The following STXBP5 variants were observed in gnomAD, a reference collection of about 807,000 sequenced individuals.
STXBP5 encodes the protein syntaxin-binding protein 5.
In STXBP5, 50 loss-of-function variants were observed where a neutral mutation model predicts 152.4. The ratio of observed to expected loss-of-function variants is 0.33; its 90% CI spans 0.26 to 0.42. The LOEUF (loss-of-function observed/expected upper bound fraction) is 0.42. Ranked by LOEUF, STXBP5 falls within the 10% of genes least tolerant of loss-of-function variation. The pLI, the probability that STXBP5 is intolerant of heterozygous loss-of-function variation, is 1.00. For synonymous variants in STXBP5, 492 were observed against 494.7 expected, an observed-to-expected ratio of 0.99 and a Z score of 0.07; for missense variants, 1,167 against 1,388.6, an observed-to-expected ratio of 0.84 and a Z score of 2.54.
intron 26 of STXBP5, among the ~76,000 whole-genome samples, chr6:147,381,004 A>G (rs1786058712): frequency 6.6e-6 from 1 of 152,172 alleles, no homozygotes; most frequent in African/African-American, 2.4e-5. Flanking sequence ...GCAAAAGCAC[A>G]TCTTACATGG....
At chr6:147,363,870 T>C in intron 24 of STXBP5, 131 bp from the exon 25 acceptor site, 1 of 1,364,666 alleles carries the variant, frequency 7.3e-7, no homozygotes, top group Non-Finnish European at 9.9e-7. Context: ...TATAAACCAT[T>C]TTTTATCTCC....
chr6:147,306,728 T>A (rs1782114037), intron 9 of STXBP5, among the ~76,000 whole-genome samples: 1 of 152,106 alleles, frequency 6.6e-6, no homozygotes, highest in African/African-American at 2.4e-5. Context: ...CTGACTAGAG[T>A]GGACCTCCTT....
intron 19 of STXBP5, among the ~76,000 whole-genome samples, chr6:147,334,730 A>G (rs1164330888): frequency 6.6e-6 from 1 of 152,098 alleles, no homozygotes; most frequent in African/African-American, 2.4e-5. Flanking sequence ...CTGTGTGTAT[A>G]TTAACATTTC....
At position 147,287,193 on chromosome 6, in the gene STXBP5, C is replaced by CT. The variant is rs1562463137; in HGVS notation, c.839-3901_839-3900insT. ...ATAGTTCAATAATAACTTAATTGTA[C>CT]ATTTTTTTTTTTTTTTTTTTTTTTT... On this transcript the variant is annotated intron_variant, in intron 8 of 27. Transcript: ENST00000321680. 4.0e-3 allele frequency among the ~76,000 whole-genome samples: 432 copies of CT among 108,372 alleles called. 19 individuals carry two copies. Among genetic ancestry groups the CT allele is most frequent in the African/African-American group, 0.015 (388 of 26,618 alleles). 71.1% of individuals were successfully genotyped at this position (108,372 alleles called of 152,430 possible).
intron 16 of STXBP5, among the ~76,000 whole-genome samples, chr6:147,321,827 A>G (rs1782951842): frequency 1.3e-5 from 2 of 152,190 alleles, no homozygotes; most frequent in Non-Finnish European, 2.9e-5. Flanking sequence ...AAATTATACC[A>G]TAACCATTTA....
At chr6:147,217,728 A>G (rs1562415561) in intron 2 of STXBP5, among the ~76,000 whole-genome samples, 3 of 152,192 alleles carry the variant, frequency 2.0e-5, no homozygotes, top group African/African-American at 2.4e-5. Flanking sequence ...GAATGTTGCA[A>G]TTACTTTTCT....
Position 147,382,866 on chromosome 6 carries a change from A to T in STXBP5, c.3282A>T (p.Ala1094=), listed in dbSNP as rs909474295. Residue 1094 remains alanine (A), a synonymous_variant, in exon 27 of 28, where the codon GCA becomes GCT. Transcript: ENST00000321680. The stretch of plus-strand genomic sequence containing the variant: ...GCATTGAAGGCGTAAAAGGGGCAGC[A>T]TCTGGAGTTGTTGGTGAATTAGCAC... ...PGGIEGVKGA[A]SGVVGELARA... The T allele has an allele frequency of 1.2e-6, 2 of 1,613,456 alleles. No individual in the cohort carries two copies. Among genetic ancestry groups the T allele is most frequent in the African/African-American group, 2.7e-5 (2 of 74,856 alleles).
At chr6:147,268,375 T>C (rs1490987293) in intron 7 of STXBP5, among the ~76,000 whole-genome samples, 2 of 152,194 alleles carry the variant, frequency 1.3e-5, no homozygotes, top group Non-Finnish European at 2.9e-5. Context: ...AATGTGTAAG[T>C]GGTTGTTTAA....
chr6:147,364,373 A>T (rs1375297905), intron 25 of STXBP5, among the ~76,000 whole-genome samples: 2 of 152,226 alleles, frequency 1.3e-5, no homozygotes, highest in Non-Finnish European at 2.9e-5. Context: ...AAGCAGCTTC[A>T]TCTTACTAAT....
chr6:147,358,580 A>G (rs1461194338), intron 22 of STXBP5, among the ~76,000 whole-genome samples: 2 of 152,214 alleles, frequency 1.3e-5, no homozygotes, highest in Non-Finnish European at 2.9e-5. Context: ...ACTCCTCTGC[A>G]TATAATTTTT....
At chr6:147,266,991 A>G in intron 6 of STXBP5, 93 bp from the exon 7 acceptor site, 1 of 1,033,506 alleles carries the variant, frequency 9.7e-7, no homozygotes, top group Non-Finnish European at 1.5e-6. Context: ...TACTCAACGC[A>G]TTTGAATGAT....
intron 2 of STXBP5, among the ~76,000 whole-genome samples, chr6:147,222,950 T>C (rs777128131): frequency 7.9e-5 from 12 of 152,230 alleles, no homozygotes; most frequent in Non-Finnish European, 1.2e-4. Context: ...TTTGTGCTTA[T>C]GGGTTTCTGC....
At chr6:147,279,806 C>T (rs1486581097) in intron 8 of STXBP5, among the ~76,000 whole-genome samples, 1 of 152,162 alleles carries the variant, frequency 6.6e-6, no homozygotes, top group Admixed American at 6.5e-5. Context: ...AATCTCCTAA[C>T]CCTGCTGGAA....
chr6:147,338,886 A>G (rs575531964), intron 19 of STXBP5, among the ~76,000 whole-genome samples: 1 of 151,128 alleles, frequency 6.6e-6, no homozygotes, highest in South Asian at 2.1e-4. Flanking sequence ...CACTATTTAT[A>G]GTTTTTTTTA....
intron 16 of STXBP5, among the ~76,000 whole-genome samples, chr6:147,317,756 T>G (rs1263251601): frequency 6.6e-6 from 1 of 152,222 alleles, no homozygotes; most frequent in Non-Finnish European, 1.5e-5. Context: ...GCACATGTTT[T>G]AACTAGAATG....
chr6:147,340,342 GCTGA>G (rs1482301703), intron 21 of STXBP5, among the ~76,000 whole-genome samples: 1 of 152,028 alleles, frequency 6.6e-6, no homozygotes, highest in African/African-American at 2.4e-5. Flanking sequence ...ATTAACGGTG[GCTGA>G]CTGTTAGCCC....
At chr6:147,366,755 C>G (rs1321150237) in intron 25 of STXBP5, among the ~76,000 whole-genome samples, 2 of 152,184 alleles carry the variant, frequency 1.3e-5, no homozygotes, top group East Asian at 3.8e-4. Flanking sequence ...ATTTGTTGGT[C>G]CAGAGATTAG....
chr6:147,255,280 T>C (rs960735366), intron 4 of STXBP5, among the ~76,000 whole-genome samples: 2 of 151,768 alleles, frequency 1.3e-5, no homozygotes, highest in Admixed American at 1.3e-4. Context: ...AACACAGAAG[T>C]GAACATGATA....
intron 16 of STXBP5, among the ~76,000 whole-genome samples, 177 bp downstream of exon 16, chr6:147,316,584 A>G (rs1407409207): frequency 6.6e-6 from 1 of 152,202 alleles, no homozygotes; most frequent in Non-Finnish European, 1.5e-5. Flanking sequence ...CAAGAGGAAT[A>G]TGATTGCATT....
Sources: allele counts gnomAD v4.1 joint callset (sites outside exome capture counted in the v4.1 genomes callset), GRCh38; gene constraint gnomAD v4.1.1; transcripts MANE v1.5; gene names NCBI Gene and HGNC (gene_info 2026-07-23, HGNC 2026-07-21).